Variants in UNC13C observed in about 807,000 individuals in gnomAD.
The protein encoded by UNC13C is protein unc-13 homolog C.
UNC13C carries 174 observed loss-of-function variants against 245.4 expected under a neutral mutation model. That is an observed-to-expected ratio of 0.71 (90% CI 0.63 to 0.80). The LOEUF (loss-of-function observed/expected upper bound fraction) is 0.80, where lower values mean the gene tolerates loss of function less well. Ranked by LOEUF, UNC13C falls within the 30% of genes least tolerant of loss-of-function variation. The pLI is 0.00. For missense variants in UNC13C, 2,829 were observed against 2,602.9 expected, an observed-to-expected ratio of 1.09 and a Z score of -1.89; for synonymous variants, 992 against 895.1, an observed-to-expected ratio of 1.11 and a Z score of -1.93.
Position 54,174,561 on chromosome 15 carries a change from A to G in UNC13C, c.3071+30877A>G, listed in dbSNP as rs192450180. On this transcript the variant is annotated intron_variant, in intron 4 of 32. Coordinates refer to ENST00000260323, the MANE Select transcript of UNC13C (RefSeq NM_001080534.3). ...CTATAACTTAATGTAGCATCAAGAA[A>G]TTAAAAACAAGTTGATTAAAACCAG... 2.4e-3 allele frequency among the ~76,000 whole-genome samples: 363 copies of G among 152,314 alleles called. 1 individual carries two copies. The highest frequency in any genetic ancestry group is 8.4e-3 in the African/African-American group (350 of 41,574).
intron 2 of UNC13C, among the ~76,000 whole-genome samples, chr15:54,103,749 A>T (rs1392524838): frequency 6.6e-6 from 1 of 151,380 alleles, no homozygotes; most frequent in East Asian, 1.9e-4. Context: ...TATTTTATTT[A>T]TTTATTTTTT....
chr15:54,513,536 A>G (rs1205245488), intron 24 of UNC13C, among the ~76,000 whole-genome samples: 1 of 152,204 alleles, frequency 6.6e-6, no homozygotes, highest in African/African-American at 2.4e-5. Flanking sequence ...TCCTTATTTC[A>G]GATAGAATTG....
intron 22 of UNC13C, among the ~76,000 whole-genome samples, chr15:54,505,696 C>T (rs1321098300): frequency 3.3e-5 from 5 of 151,016 alleles, no homozygotes; most frequent in African/African-American, 1.2e-4. Context: ...GGAGTTATTA[C>T]GGCAGTGTGC....
At chr15:54,356,191 T>G (rs1444799391) in intron 17 of UNC13C, among the ~76,000 whole-genome samples, 5 of 152,160 alleles carry the variant, frequency 3.3e-5, no homozygotes, top group Non-Finnish European at 7.4e-5. Context: ...TAGAAAGACA[T>G]GATATATATC....
intron 1 of UNC13C, among the ~76,000 whole-genome samples, chr15:53,983,794 A>T (rs1894019267): frequency 6.6e-6 from 1 of 151,926 alleles, no homozygotes; most frequent in South Asian, 2.1e-4. Context: ...ATGTCTCAAA[A>T]GTCAAGAAAT....
intron 19 of UNC13C, among the ~76,000 whole-genome samples, chr15:54,422,386 C>T (rs538916142): frequency 6.6e-6 from 1 of 152,142 alleles, no homozygotes; most frequent in Non-Finnish European, 1.5e-5. Flanking sequence ...TAGCTCATAA[C>T]ATTCAGATTG....
chr15:54,592,722 T>TAGGTGAGCCTCCTGAA (rs899582299), intron 30 of UNC13C, among the ~76,000 whole-genome samples: 8 of 152,164 alleles, frequency 5.3e-5, no homozygotes, highest in African/African-American at 1.9e-4. Flanking sequence ...AGCAGATAGT[T>TAGGTGAGCCTCCTGAA]GGTTTGTGAG....
At chr15:54,010,677 T>C (rs995617089) in intron 1 of UNC13C, among the ~76,000 whole-genome samples, 12 of 152,142 alleles carry the variant, frequency 7.9e-5, no homozygotes, top group Non-Finnish European at 1.6e-4. Flanking sequence ...ATTGTATGAA[T>C]TTTAGAAATT....
chr15:54,106,996 A>G (rs1157350167), intron 2 of UNC13C, among the ~76,000 whole-genome samples: 1 of 152,238 alleles, frequency 6.6e-6, no homozygotes, highest in Non-Finnish European at 1.5e-5. Context: ...CATTCCTGAA[A>G]ACATACATTA....
At chr15:54,043,139 A>G (rs936870085) in intron 2 of UNC13C, among the ~76,000 whole-genome samples, 3 of 152,232 alleles carry the variant, frequency 2.0e-5, no homozygotes, top group African/African-American at 4.8e-5. Context: ...GAAATCATAC[A>G]TTTTTAAAAC....
At chr15:54,080,004 C>T (rs1398583819) in intron 2 of UNC13C, among the ~76,000 whole-genome samples, 1 of 128,100 alleles carries the variant, frequency 7.8e-6, no homozygotes, top group African/African-American at 2.9e-5. Context: ...GTTTGTCGAG[C>T]GGTTTTTTTT....
At chr15:53,863,446 A>G in the UNC13C span, among the ~76,000 whole-genome samples, 1 of 152,226 alleles carries the variant, frequency 6.6e-6, no homozygotes, top group African/African-American at 2.4e-5. Flanking sequence ...AAACTGTTAC[A>G]TATCCCTTGA....
rs1895614981 is a variant in UNC13C at position 54,015,597 on chromosome 15, A to G, written c.2694A>G (p.Thr898=). ...AAAACAGGACTAGTATTACTGAAACAGATGAACAAATGCAAGCATATGATC... is the reference window on the plus strand; with the variant it reads ...AAAACAGGACTAGTATTACTGAAACGGATGAACAAATGCAAGCATATGATC... ...KLENRTSITE[T]DEQMQAYDHL... The change falls in exon 2 of 33, where the codon ACA becomes ACG. Residue 898 remains threonine, a synonymous_variant. Coordinates refer to ENST00000260323, the MANE Select transcript of UNC13C (RefSeq NM_001080534.3). 6.2e-7 allele frequency: 1 copy of G among 1,613,886 alleles called. No homozygotes were observed. Among genetic ancestry groups the G allele is most frequent in the African/African-American group, 1.3e-5 (1 of 75,060 alleles).
At chr15:54,575,230 T>G (rs1897909179) in intron 30 of UNC13C, among the ~76,000 whole-genome samples, 1 of 152,152 alleles carries the variant, frequency 6.6e-6, no homozygotes, top group Admixed American at 6.5e-5. Context: ...GAGACGGTGT[T>G]TCACCATGTT....
intron 19 of UNC13C, among the ~76,000 whole-genome samples, chr15:54,455,354 A>AC (rs1195482348): frequency 6.7e-6 from 1 of 149,912 alleles, no homozygotes; most frequent in East Asian, 2.0e-4. Flanking sequence ...TAATGGCTTA[A>AC]TTTTTCTCTG....
At chr15:53,973,148 G>A in the UNC13C span, among the ~76,000 whole-genome samples, 3 of 152,150 alleles carry the variant, frequency 2.0e-5, no homozygotes, top group South Asian at 6.2e-4. Context: ...GGAAAGTAGT[G>A]GAACTCTGAA....
chr15:54,275,788 C>T (rs1488556762), intron 10 of UNC13C, among the ~76,000 whole-genome samples: 1 of 152,016 alleles, frequency 6.6e-6, no homozygotes, highest in Non-Finnish European at 1.5e-5. Flanking sequence ...AATATGTGTC[C>T]ATACAAAGAC....
intron 19 of UNC13C, among the ~76,000 whole-genome samples, chr15:54,487,871 G>C (rs1024406432): frequency 6.6e-6 from 1 of 151,092 alleles, no homozygotes; most frequent in African/African-American, 2.4e-5. Flanking sequence ...TTCCTCTCTA[G>C]AGGATTCACA....
At chr15:54,408,413 A>C (rs2140941005) in intron 18 of UNC13C, among the ~76,000 whole-genome samples, 1 of 152,050 alleles carries the variant, frequency 6.6e-6, no homozygotes, top group East Asian at 1.9e-4. Context: ...GAAAGATCTC[A>C]GTGCTTAACT....
Sources: gnomAD v4.1 joint callset for allele counts (sites outside exome capture counted in the v4.1 genomes callset) on GRCh38, gnomAD v4.1.1 for gene constraint, MANE v1.5 for transcripts, NCBI Gene and HGNC (gene_info 2026-07-23, HGNC 2026-07-21) for gene names.